The following RANBP2 variants were observed in gnomAD, a reference collection of about 807,000 sequenced individuals.
RANBP2 encodes E3 SUMO-protein ligase RanBP2.
A neutral mutation model predicts 303.6 loss-of-function variants in RANBP2; 57 were observed. The observed-to-expected ratio is 0.19, with a 90% CI of 0.15 to 0.23. The LOEUF (loss-of-function observed/expected upper bound fraction) is 0.23, where lower values mean the gene tolerates loss of function less well. Ranked by LOEUF, RANBP2 falls within the 10% of genes least tolerant of loss-of-function variation. The pLI, the probability that RANBP2 is intolerant of heterozygous loss-of-function variation, is 1.00. For synonymous variants in RANBP2, 1,167 were observed against 1,301.5 expected (o/e 0.90, Z 2.23); for missense variants, 3,138 against 3,780.8 (o/e 0.83, Z 4.46).
chr2:109,380,102 G>A, the RANBP2 span, among the ~76,000 whole-genome samples: 4 of 151,036 alleles, frequency 2.6e-5, no homozygotes, highest in Non-Finnish European at 5.9e-5. Context: ...TTTTCTTGCC[G>A]GGATCTGACT....
At chr2:108,922,625 A>G in the RANBP2 span, among the ~76,000 whole-genome samples, 3 of 151,868 alleles carry the variant, frequency 2.0e-5, no homozygotes, top group Non-Finnish European at 2.9e-5. Context: ...CCTTATGGAG[A>G]GCAAAGAGAG....
the RANBP2 span, among the ~76,000 whole-genome samples, chr2:109,426,042 C>T: frequency 1.5e-4 from 23 of 152,258 alleles, no homozygotes; most frequent in Admixed American, 2.0e-4. Context: ...GGATTACAGG[C>T]GCATGCCACC....
At chr2:109,561,179 C>T in the RANBP2 span, among the ~76,000 whole-genome samples, 1 of 152,162 alleles carries the variant, frequency 6.6e-6, no homozygotes, top group Non-Finnish European at 1.5e-5. Flanking sequence ...TCCTGCTGTA[C>T]TGCAGTGAAC....
the RANBP2 span, among the ~76,000 whole-genome samples, chr2:108,865,236 C>A: frequency 6.6e-6 from 1 of 152,044 alleles, no homozygotes; most frequent in East Asian, 1.9e-4. Context: ...TTTAAGCAGA[C>A]CACGATTGAT....
At chr2:109,308,940 G>GT in the RANBP2 span, among the ~76,000 whole-genome samples, 340 of 81,284 alleles carry the variant, frequency 4.2e-3, 81 homozygotes, top group African/African-American at 0.03. Flanking sequence ...CTTTAAAGTA[G>GT]TTTTTTCCAA....
chr2:108,933,779 C>T, the RANBP2 span, among the ~76,000 whole-genome samples: 295 of 151,898 alleles, frequency 1.9e-3, 1 homozygote, highest in African/African-American at 6.8e-3. Context: ...ATCGGGGTGG[C>T]GGGGAGGCAA....
chr2:109,044,510 G>A, the RANBP2 span, among the ~76,000 whole-genome samples: 57 of 152,130 alleles, frequency 3.7e-4, 2 homozygotes, highest in South Asian at 8.3e-4. Flanking sequence ...ACGATAGAGC[G>A]AGACTCTGTC....
Position 108,773,014 on chromosome 2 carries a change from C to G in RANBP2, c.8260C>G (p.Gln2754Glu), listed in dbSNP as rs767471375. 6.2e-7 allele frequency: 1 copy of G among 1,613,320 alleles called. No homozygotes were observed. Among genetic ancestry groups the G allele is most frequent in the Non-Finnish European group, 8.5e-7 (1 of 1,179,544 alleles). The change falls in exon 23 of 29, where the codon CAA (glutamine) becomes GAA (glutamate). Residue 2754 changes from glutamine (Q) to glutamate (E), a missense_variant. By Grantham distance (29) the Gln-to-Glu change is conservative. Around this residue, in one of 20 missense-constraint regions of RANBP2, gnomAD observed 497 missense variants for 465.8 expected, o/e 1.07. Transcript: ENST00000283195. ...AGACAATGGAAATGGGGAGGACTTT[C>G]AATCAGAGCTTCAAAAAGTTCAGGA... ...DEDNGNGEDF[Q>E]SELQKVQEAQ...
At chr2:109,498,637 T>C in the RANBP2 span, among the ~76,000 whole-genome samples, 1 of 152,164 alleles carries the variant, frequency 6.6e-6, no homozygotes, top group African/African-American at 2.4e-5. Context: ...CCACATTCCC[T>C]AGTTCATTCC....
the RANBP2 span, among the ~76,000 whole-genome samples, chr2:109,266,284 T>C: frequency 6.6e-6 from 1 of 151,292 alleles, no homozygotes; most frequent in Non-Finnish European, 1.5e-5. Flanking sequence ...TATTTGCATG[T>C]TTGTGTTGTG....
chr2:109,663,871 C>G, the RANBP2 span, among the ~76,000 whole-genome samples: 5 of 152,220 alleles, frequency 3.3e-5, no homozygotes, highest in Non-Finnish European at 7.3e-5. Flanking sequence ...ATAACCCCTC[C>G]TCCAGTTGGC....
chr2:109,511,051 C>T, the RANBP2 span, among the ~76,000 whole-genome samples: 1 of 152,186 alleles, frequency 6.6e-6, no homozygotes, highest in South Asian at 2.1e-4. Flanking sequence ...TATGACCATG[C>T]AATTTCACAG....
the RANBP2 span, among the ~76,000 whole-genome samples, chr2:109,072,581 T>C: frequency 5.9e-5 from 9 of 152,294 alleles, no homozygotes; most frequent in East Asian, 1.7e-3. Flanking sequence ...GTCAAAGAAC[T>C]GACAGGGCCT....
the RANBP2 span, among the ~76,000 whole-genome samples, chr2:109,719,493 G>T: frequency 3.3e-5 from 5 of 150,194 alleles, no homozygotes; most frequent in African/African-American, 1.2e-4. Flanking sequence ...TGCAACCTCT[G>T]GCTCCCCGGT....
chr2:108,780,445 A>G (rs1273063866), intron 25 of RANBP2, among the ~76,000 whole-genome samples: 1 of 147,322 alleles, frequency 6.8e-6, no homozygotes, highest in East Asian at 2.0e-4. Context: ...GATCACTGCA[A>G]CCTCTGCCTC....
chr2:109,005,007 G>A, the RANBP2 span, among the ~76,000 whole-genome samples: 1 of 152,000 alleles, frequency 6.6e-6, no homozygotes, highest in African/African-American at 2.4e-5. Context: ...TCTTCCACAG[G>A]CCCAGTCTGA....
chr2:108,930,320 C>T, the RANBP2 span: 2 of 1,596,570 alleles, frequency 1.3e-6, no homozygotes, highest in East Asian at 2.2e-5. Flanking sequence ...CCAAGGTTGA[C>T]ATAGGAAGGG....
the RANBP2 span, among the ~76,000 whole-genome samples, chr2:109,236,775 G>C: frequency 1.3e-5 from 2 of 152,246 alleles, no homozygotes; most frequent in East Asian, 3.9e-4. Context: ...TGAAGTGAGG[G>C]GTGAGCCTTC....
chr2:109,130,565 G>T, the RANBP2 span, among the ~76,000 whole-genome samples: 3 of 152,130 alleles, frequency 2.0e-5, no homozygotes, highest in African/African-American at 7.2e-5. Flanking sequence ...TCCTGCCTGC[G>T]GTGTGGCTAA....
Sources: allele counts gnomAD v4.1 joint callset (sites outside exome capture counted in the v4.1 genomes callset), GRCh38; gene constraint gnomAD v4.1.1; regional missense constraint gnomAD v4.1.1; transcripts MANE v1.5; gene names NCBI Gene and HGNC (gene_info 2026-07-23, HGNC 2026-07-21).